The following CDC14A variants were observed in gnomAD, a reference collection of about 807,000 sequenced individuals.
The protein encoded by CDC14A is cell division cycle 14A.
In CDC14A, 53 loss-of-function variants were observed where a neutral mutation model predicts 74.4. The observed-to-expected ratio is 0.71, with a 90% confidence interval of 0.57 to 0.89. CDC14A has a LOEUF of 0.89. CDC14A is among the 40% of genes least tolerant of loss of function. The probability of loss-of-function intolerance (pLI) is 0.00; values close to 1 mark genes in which losing one functional copy is unlikely to be tolerated. For missense variants in CDC14A, 646 were observed against 713.7 expected, an observed-to-expected ratio of 0.91 and a Z score of 1.08; for synonymous variants, 247 against 258.4, an observed-to-expected ratio of 0.96 and a Z score of 0.43.
In CDC14A at chr1:100,499,066, G is replaced by A. The variant is rs1405882690; in HGVS notation, c.1559G>A (p.Ser520Asn). The A allele has an allele frequency of 1.9e-6, 3 of 1,614,144 alleles. No individual in the cohort carries two copies. Among genetic ancestry groups the A allele is most frequent in the Non-Finnish European group, 2.5e-6 (3 of 1,180,022 alleles). Reference protein sequence around the residue: ...ASPFTNLLNGSSQPTTRNYPE... With the variant: ...ASPFTNLLNGNSQPTTRNYPE... ...CCGTTTACCAACCTCTTGAATGGCAGCTCCCAGCCAACTACCAGAAATTAC... is the reference window on the plus strand; with the variant it reads ...CCGTTTACCAACCTCTTGAATGGCAACTCCCAGCCAACTACCAGAAATTAC... The change falls in exon 15 of 16, where the codon AGC (serine) becomes AAC (asparagine). Residue 520 changes from serine to asparagine, a missense_variant. By Grantham distance (46) the Ser-to-Asn change is conservative. Transcript: ENST00000336454.
At chr1:100,370,038 T>C (rs1048861557) in intron 2 of CDC14A, among the ~76,000 whole-genome samples, 5 of 150,994 alleles carry the variant, frequency 3.3e-5, no homozygotes, top group African/African-American at 1.2e-4. Flanking sequence ...GGCTGGAGTG[T>C]AGTGGCACCA....
At chr1:100,355,511 C>T (rs577067206) in intron 2 of CDC14A, among the ~76,000 whole-genome samples, 1 of 152,220 alleles carries the variant, frequency 6.6e-6, no homozygotes, top group South Asian at 2.1e-4. Context: ...TGGGATAGGC[C>T]TACAAATCAT....
chr1:100,505,017 C>T, intron 15 of CDC14A: 1 of 1,274,102 alleles, frequency 7.8e-7, no homozygotes, highest in African/African-American at 1.5e-5. Context: ...TATTTGTTTA[C>T]ATATTGTCTG....
chr1:100,510,988 T>A (rs781326141), intron 15 of CDC14A, among the ~76,000 whole-genome samples: 7 of 152,220 alleles, frequency 4.6e-5, no homozygotes, highest in African/African-American at 1.2e-4. Context: ...CCCTCTTCTC[T>A]GTCTCAAAGT....
intron 11 of CDC14A, chr1:100,484,787 A>G: frequency 8.1e-6 from 8 of 989,902 alleles, no homozygotes; most frequent in Non-Finnish European, 8.4e-6. Context: ...AGGAAATAAT[A>G]CATACCACAA....
chr1:100,349,668 G>A (rs1650739600), upstream of CDC14A, among the ~76,000 whole-genome samples: 1 of 152,172 alleles, frequency 6.6e-6, no homozygotes, highest in African/African-American at 2.4e-5. Context: ...GTTTGAGACA[G>A]GGTCTCACTC....
chr1:100,409,087 C>T (rs879939768), intron 4 of CDC14A, among the ~76,000 whole-genome samples: 7 of 152,330 alleles, frequency 4.6e-5, no homozygotes, highest in Middle Eastern at 3.4e-3. Flanking sequence ...TACAGTTTCA[C>T]ATGACTGGGG....
chr1:100,401,313 C>A (rs550092269), intron 4 of CDC14A, among the ~76,000 whole-genome samples: 3 of 152,100 alleles, frequency 2.0e-5, no homozygotes, highest in South Asian at 2.1e-4. Flanking sequence ...ACATCCTAAG[C>A]GTTCAATAAG....
rs370438821 is a variant in CDC14A at position 100,518,345 on chromosome 1, T to C, written c.*65T>C. The C allele has an allele frequency of 6.7e-4, 918 of 1,364,928 alleles. 2 individuals are homozygous for C. Among genetic ancestry groups the C allele is most frequent in the Non-Finnish European group, 8.4e-4 (798 of 955,450 alleles). 84.6% of individuals were successfully genotyped at this position (1,364,928 alleles called of 1,614,324 possible). ...ACAATTTCTTCATCTGGACGAGCAG[T>C]GGAGAGGGAAAGCAACTTCTTGCTG... On this transcript the variant is annotated 3_prime_UTR_variant, in exon 16 of 16. Transcript: ENST00000336454.
chr1:100,456,960 G>T (rs1666764102), intron 8 of CDC14A, among the ~76,000 whole-genome samples: 1 of 152,120 alleles, frequency 6.6e-6, no homozygotes. Flanking sequence ...GTCATTTTGG[G>T]TTGTTAGGAA....
At chr1:100,358,383 C>G (rs1214194653) in intron 2 of CDC14A, among the ~76,000 whole-genome samples, 1 of 152,200 alleles carries the variant, frequency 6.6e-6, no homozygotes, top group Non-Finnish European at 1.5e-5. Flanking sequence ...GTGTGCCCCT[C>G]CTAGTGGTGG....
At chr1:100,401,446 C>A (rs375065607) in intron 4 of CDC14A, among the ~76,000 whole-genome samples, 2 of 152,032 alleles carry the variant, frequency 1.3e-5, no homozygotes, top group Non-Finnish European at 2.9e-5. Context: ...ATTATGAAGT[C>A]GGTACTAATT....
At chr1:100,499,563 G>A in intron 15 of CDC14A, 1 of 765,678 alleles carries the variant, frequency 1.3e-6, no homozygotes, top group Non-Finnish European at 1.9e-6. Flanking sequence ...TATGGGCATT[G>A]TTGACTTCAG....
intron 2 of CDC14A, among the ~76,000 whole-genome samples, chr1:100,372,643 G>A (rs1193876338): frequency 5.3e-5 from 8 of 152,110 alleles, no homozygotes; most frequent in Admixed American, 5.2e-4. Context: ...TTTAATTTTA[G>A]TTCTCTTGCC....
chr1:100,435,579 A>G (rs569356527), intron 5 of CDC14A, among the ~76,000 whole-genome samples: 1 of 152,202 alleles, frequency 6.6e-6, no homozygotes, highest in Non-Finnish European at 1.5e-5. Context: ...CTGTAATCCC[A>G]GCACTTTGGG....
At chr1:100,431,032 C>T (rs563976499) in intron 5 of CDC14A, among the ~76,000 whole-genome samples, 1 of 152,118 alleles carries the variant, frequency 6.6e-6, no homozygotes, top group South Asian at 2.1e-4. Flanking sequence ...GATGGCTTTT[C>T]CAGTCCAAAC....
chr1:100,456,146 T>A (rs1305266446), intron 8 of CDC14A, among the ~76,000 whole-genome samples: 2 of 152,206 alleles, frequency 1.3e-5, no homozygotes, highest in Non-Finnish European at 2.9e-5. Flanking sequence ...GACAACTAGG[T>A]ACAATTTTCT....
chr1:100,445,056 T>G (rs925297996), intron 7 of CDC14A, among the ~76,000 whole-genome samples: 1 of 152,226 alleles, frequency 6.6e-6, no homozygotes, highest in African/African-American at 2.4e-5. Flanking sequence ...TCAGATAACT[T>G]GTAGTACATC....
At chr1:100,451,914 C>T (rs1666184565) in intron 7 of CDC14A, among the ~76,000 whole-genome samples, 1 of 152,132 alleles carries the variant, frequency 6.6e-6, no homozygotes. Context: ...TCTGTAAAAG[C>T]ATAGAGAATG....
Sources: allele counts gnomAD v4.1 joint callset (sites outside exome capture counted in the v4.1 genomes callset), GRCh38; gene constraint gnomAD v4.1.1; transcripts MANE v1.5; gene names NCBI Gene and HGNC (gene_info 2026-07-23, HGNC 2026-07-21).